The following PRKG1 variants were observed in gnomAD, a reference collection of about 807,000 sequenced individuals.
PRKG1 encodes cGMP-dependent protein kinase 1.
PRKG1 carries 35 observed loss-of-function variants against 88.1 expected under a neutral mutation model. The observed-to-expected ratio is 0.40, with a 90% CI of 0.30 to 0.53. PRKG1 has a LOEUF of 0.53. Ranked by LOEUF, PRKG1 falls within the 20% of genes least tolerant of loss-of-function variation. The pLI, the probability that PRKG1 is intolerant of heterozygous loss-of-function variation, is 0.59. For missense variants in PRKG1, 540 were observed against 839.8 expected (o/e 0.64, Z 4.41); for synonymous variants, 303 against 292.5 (o/e 1.04, Z -0.37).
At chr10:51,766,598 G>A (rs925685716) in intron 3 of PRKG1, among the ~76,000 whole-genome samples, 1 of 152,010 alleles carries the variant, frequency 6.6e-6, no homozygotes, top group Non-Finnish European at 1.5e-5. Flanking sequence ...CTGCCTGACA[G>A]GTTTCTTCCT....
intron 3 of PRKG1, among the ~76,000 whole-genome samples, chr10:51,692,174 C>T (rs968203011): frequency 2.6e-5 from 4 of 151,968 alleles, no homozygotes; most frequent in Non-Finnish European, 4.4e-5. Flanking sequence ...GTGATATTTC[C>T]GATATGGAGT....
At chr10:51,816,276 G>T (rs1458439353) in intron 4 of PRKG1, among the ~76,000 whole-genome samples, 1 of 152,058 alleles carries the variant, frequency 6.6e-6, no homozygotes, top group Non-Finnish European at 1.5e-5. Flanking sequence ...GCCTCCCCCT[G>T]AGCCTGGGTT....
At chr10:51,506,633 A>T (rs1385649287) in intron 3 of PRKG1, among the ~76,000 whole-genome samples, 1 of 152,338 alleles carries the variant, frequency 6.6e-6, no homozygotes, top group African/African-American at 2.4e-5. Flanking sequence ...AATGGTGATC[A>T]TTAAAAAGTC....
intron 1 of PRKG1, among the ~76,000 whole-genome samples, chr10:51,151,361 C>G (rs1014340739): frequency 6.6e-5 from 10 of 151,888 alleles, no homozygotes; most frequent in African/African-American, 2.4e-4. Flanking sequence ...CTGCTACAAC[C>G]TTTATCCCCT....
At chr10:51,626,822 A>C (rs1017281798) in intron 3 of PRKG1, among the ~76,000 whole-genome samples, 1 of 152,124 alleles carries the variant, frequency 6.6e-6, no homozygotes, top group Non-Finnish European at 1.5e-5. Flanking sequence ...TTCCCTTTTT[A>C]ATCAGTACCT....
intron 5 of PRKG1, among the ~76,000 whole-genome samples, chr10:51,939,201 G>T (rs557308849): frequency 1.2e-4 from 18 of 151,802 alleles, no homozygotes; most frequent in Non-Finnish European, 1.9e-4. Context: ...ACATTATTTT[G>T]CATTATTTCC....
chr10:51,781,324 G>A (rs563406688), intron 3 of PRKG1, among the ~76,000 whole-genome samples: 5 of 152,124 alleles, frequency 3.3e-5, no homozygotes, highest in African/African-American at 1.2e-4. Context: ...TAGTATAGGC[G>A]TAAACAAGCC....
chr10:51,597,752 T>A (rs1435931047), intron 3 of PRKG1, among the ~76,000 whole-genome samples: 2 of 152,112 alleles, frequency 1.3e-5, no homozygotes, highest in Non-Finnish European at 2.9e-5. Context: ...GTGTGAGAAT[T>A]GTACTGGAAA....
At chr10:52,234,719 G>T (rs1221862052) in intron 9 of PRKG1, among the ~76,000 whole-genome samples, 1 of 121,920 alleles carries the variant, frequency 8.2e-6, no homozygotes, top group African/African-American at 3.5e-5. Flanking sequence ...GGGGAGAATG[G>T]AACCAAGTTG....
At chr10:51,566,728 G>A (rs1006319058) in intron 3 of PRKG1, among the ~76,000 whole-genome samples, 35 of 151,866 alleles carry the variant, frequency 2.3e-4, no homozygotes, top group Admixed American at 5.3e-4. Context: ...AAGAAAATGC[G>A]ACTGGATGGA....
intron 3 of PRKG1, among the ~76,000 whole-genome samples, chr10:51,538,222 A>G (rs1221729135): frequency 2.0e-5 from 3 of 152,014 alleles, no homozygotes; most frequent in Non-Finnish European, 4.4e-5. Flanking sequence ...ACAATTGAAG[A>G]CAAAGAAGTA....
At chr10:51,478,083 A>T (rs1052162912) in intron 3 of PRKG1, among the ~76,000 whole-genome samples, 3 of 151,972 alleles carry the variant, frequency 2.0e-5, no homozygotes, top group Admixed American at 2.0e-4. Flanking sequence ...TGTTGCCATC[A>T]CTTCTCTCCT....
intron 3 of PRKG1, among the ~76,000 whole-genome samples, chr10:51,708,806 G>A (rs1841671810): frequency 6.6e-6 from 1 of 152,164 alleles, no homozygotes; most frequent in Non-Finnish European, 1.5e-5. Context: ...CCTTTGCGGT[G>A]CCAGTTGTTA....
At chr10:51,744,882 G>A (rs1290577416) in intron 3 of PRKG1, among the ~76,000 whole-genome samples, 2 of 152,186 alleles carry the variant, frequency 1.3e-5, no homozygotes, top group African/African-American at 2.4e-5. Context: ...TACCATCGAA[G>A]TGGGAAATAA....
chr10:51,268,220 G>A (rs1437593772), intron 2 of PRKG1, among the ~76,000 whole-genome samples: 1 of 152,128 alleles, frequency 6.6e-6, no homozygotes, highest in African/African-American at 2.4e-5. Context: ...CAGGACCACA[G>A]GACCAGGGCG....
At chr10:51,707,338 C>T (rs1490079648) in intron 3 of PRKG1, among the ~76,000 whole-genome samples, 2 of 152,118 alleles carry the variant, frequency 1.3e-5, no homozygotes, top group Non-Finnish European at 2.9e-5. Context: ...CACAAGGTAC[C>T]TACTCGAGCG....
chr10:51,693,506 C>T (rs966639550), intron 3 of PRKG1, among the ~76,000 whole-genome samples: 1 of 151,794 alleles, frequency 6.6e-6, no homozygotes, highest in African/African-American at 2.4e-5. Context: ...GGTTCAAGTG[C>T]TTCTCGTGCC....
At chr10:51,529,501 C>A (rs1294181839) in intron 3 of PRKG1, among the ~76,000 whole-genome samples, 1 of 152,196 alleles carries the variant, frequency 6.6e-6, no homozygotes, top group Non-Finnish European at 1.5e-5. Flanking sequence ...CTGCTCACTT[C>A]TTTATAGCCA....
chr10:52,216,059 T>C (rs1441202443), intron 9 of PRKG1, among the ~76,000 whole-genome samples: 1 of 152,196 alleles, frequency 6.6e-6, no homozygotes, highest in Non-Finnish European at 1.5e-5. Context: ...CCTGAGGCTA[T>C]TACTTTCTCA....
Sources: allele counts gnomAD v4.1 joint callset (sites outside exome capture counted in the v4.1 genomes callset), GRCh38; gene constraint gnomAD v4.1.1; transcripts MANE v1.5; gene names NCBI Gene and HGNC (gene_info 2026-07-23, HGNC 2026-07-21).